The following SHC3 variants were observed in gnomAD, a reference collection of about 807,000 sequenced individuals.
SHC3 encodes SHC adaptor protein 3, also known as SHC-transforming protein 3.
In SHC3, 15 loss-of-function variants were observed where a neutral mutation model predicts 60.4. The ratio of observed to expected loss-of-function variants is 0.25; its 90% CI spans 0.17 to 0.38. The LOEUF is 0.38. SHC3 is among the 10% of genes least tolerant of loss of function. The probability of loss-of-function intolerance (pLI) is 1.00; values close to 1 mark genes in which losing one functional copy is unlikely to be tolerated. For missense variants in SHC3, 677 were observed against 786.1 expected (o/e 0.86, Z 1.66); for synonymous variants, 294 against 325.9 (o/e 0.90, Z 1.05).
chr9:89,035,856 T>TATATATATATATATATATA (rs1317555722), intron 11 of SHC3, among the ~76,000 whole-genome samples: 22 of 88,978 alleles, frequency 2.5e-4, no homozygotes, highest in Non-Finnish European at 2.4e-4. Context: ...TATAGATGTG[T>TATATATATATATATATATA]GTGTGTGTGT....
chr9:89,047,032 T>G (rs780507037), intron 7 of SHC3, 38 bp from the exon 8 acceptor site: 2 of 1,498,220 alleles, frequency 1.3e-6, no homozygotes, highest in African/African-American at 2.8e-5. Flanking sequence ...TAGCCAAAAG[T>G]TGAACTTGCA....
chr9:89,153,572 G>C (rs1174826738), intron 1 of SHC3, among the ~76,000 whole-genome samples: 1 of 152,226 alleles, frequency 6.6e-6, no homozygotes, highest in Non-Finnish European at 1.5e-5. Flanking sequence ...AAGCTGTAAA[G>C]CTGAGAACCC....
At chr9:89,106,409 G>A (rs764246890) in intron 2 of SHC3, among the ~76,000 whole-genome samples, 14 of 152,164 alleles carry the variant, frequency 9.2e-5, no homozygotes, top group Non-Finnish European at 1.9e-4. Context: ...TGAGCCACAT[G>A]GACAGTCCCG....
intron 1 of SHC3, among the ~76,000 whole-genome samples, chr9:89,155,164 C>G (rs980035674): frequency 4.5e-4 from 69 of 152,190 alleles, no homozygotes; most frequent in Non-Finnish European, 1.9e-4. Flanking sequence ...TGCCACCAGC[C>G]AGGTTCTCAG....
At chr9:89,087,581 C>T (rs775256775) in intron 2 of SHC3, among the ~76,000 whole-genome samples, 2 of 152,170 alleles carry the variant, frequency 1.3e-5, no homozygotes, top group African/African-American at 4.8e-5. Context: ...TTTGCTCATT[C>T]AAAAATTTCC....
chr9:89,150,389 T>C (rs1335745632), intron 1 of SHC3, among the ~76,000 whole-genome samples: 3 of 152,212 alleles, frequency 2.0e-5, no homozygotes, highest in African/African-American at 7.2e-5. Context: ...CAGTCCCTGG[T>C]AATCACTAAT....
At chr9:89,112,460 G>A in intron 2 of SHC3, 96 bp downstream of exon 2, 6 of 1,348,286 alleles carry the variant, frequency 4.5e-6, no homozygotes, top group Non-Finnish European at 6.3e-6. Flanking sequence ...ACCCTCCAAG[G>A]GCCGGTCTTT....
At chr9:89,035,256 A>G (rs777812663) in intron 11 of SHC3, among the ~76,000 whole-genome samples, 2 of 152,148 alleles carry the variant, frequency 1.3e-5, no homozygotes, top group African/African-American at 2.4e-5. Context: ...TGATCTCCCC[A>G]ACAAAAATGT....
chr9:89,046,833 A>G lies in SHC3; in HGVS notation c.1113+11T>C, dbSNP rs190034121. ...CCATTCCTTATATAAGAAAAAAACT[A>G]TAAGACTTACCTGGGCTGTGTCAGG... On this transcript the variant is annotated intron_variant, in intron 8 of 11. Transcript: ENST00000375835. The G allele has an allele frequency of 1.1e-4, 167 of 1,549,442 alleles. 1 individual carries two copies. The Admixed American group carries it at 2.1e-3, about 20-fold the overall frequency.
At chr9:89,062,051 C>G (rs1278200719) in intron 6 of SHC3, among the ~76,000 whole-genome samples, 1 of 152,152 alleles carries the variant, frequency 6.6e-6, no homozygotes, top group South Asian at 2.1e-4. Context: ...GATACTATTA[C>G]AATTATAAAG....
Position 89,084,530 on chromosome 9 carries a change from A to G in SHC3, c.546-6627T>C, listed in dbSNP as rs1178658814. Among the ~76,000 whole-genome samples, 3 of 152,240 alleles carry G rather than the reference A, an allele frequency of 2.0e-5. No homozygotes were observed. The East Asian group carries it at 5.8e-4, about 29-fold the overall frequency. On this transcript the variant is annotated intron_variant, in intron 2 of 11. Transcript: ENST00000375835. ...GAGGCTAATTTTCCTTTCATGGTTT[A>G]AGTAACTAATTAATAAAGTTCACTT...
Position 89,012,117 on chromosome 9 carries a change from C to G in SHC3, c.*1330G>C, listed in dbSNP as rs1363766489. The G allele has an allele frequency of 6.6e-6, 1 of 152,252 alleles. No homozygotes were observed. The highest frequency in any genetic ancestry group is 2.4e-5 in the African/African-American group (1 of 41,446). The allele number at this position is 152,252 out of a possible 1,614,324, so 9.4% of individuals were successfully genotyped here. On this transcript the variant is annotated 3_prime_UTR_variant, in exon 12 of 12. Transcript: ENST00000375835. ...GGGTCTCACCAGAACAAGAGCCACGCTGCCAGCAAGCAAATGGATCCATCT... is the reference window on the plus strand; with the variant it reads ...GGGTCTCACCAGAACAAGAGCCACGGTGCCAGCAAGCAAATGGATCCATCT...
chr9:89,099,732 C>A (rs114191645), intron 2 of SHC3, among the ~76,000 whole-genome samples: 245 of 152,260 alleles, frequency 1.6e-3, no homozygotes, highest in African/African-American at 5.4e-3. Context: ...ACTGTGAAGA[C>A]ACCGTGAATA....
At chr9:89,057,889 C>T (rs1007032879) in intron 6 of SHC3, among the ~76,000 whole-genome samples, 2 of 152,140 alleles carry the variant, frequency 1.3e-5, no homozygotes, top group African/African-American at 4.8e-5. Flanking sequence ...ATGAGATTAT[C>T]CTGGATTAGG....
At chr9:89,175,962 T>G (rs958560768) in intron 1 of SHC3, among the ~76,000 whole-genome samples, 1 of 152,216 alleles carries the variant, frequency 6.6e-6, no homozygotes, top group African/African-American at 2.4e-5. Context: ...GCACACACAC[T>G]TTAGCATCTG....
intron 1 of SHC3, among the ~76,000 whole-genome samples, chr9:89,171,026 G>A (rs997692310): frequency 2.6e-5 from 4 of 152,092 alleles, no homozygotes; most frequent in Admixed American, 6.6e-5. Context: ...TCCATCTTCC[G>A]GAGGGACAAT....
intron 2 of SHC3, among the ~76,000 whole-genome samples, chr9:89,087,404 T>A (rs1041808994): frequency 2.0e-5 from 3 of 152,026 alleles, no homozygotes; most frequent in African/African-American, 7.2e-5. Context: ...GAATCAGAAC[T>A]TTCCCCTCCC....
At chr9:89,170,350 A>G (rs528305033) in intron 1 of SHC3, among the ~76,000 whole-genome samples, 2 of 152,342 alleles carry the variant, frequency 1.3e-5, no homozygotes, top group East Asian at 1.9e-4. Flanking sequence ...TAATCCTAGA[A>G]AGATGCATAT....
intron 9 of SHC3, among the ~76,000 whole-genome samples, chr9:89,044,223 G>C (rs1824736494): frequency 6.6e-6 from 1 of 152,178 alleles, no homozygotes; most frequent in Non-Finnish European, 1.5e-5. Context: ...AATGTGTGTA[G>C]AACAAGGATA....
Sources: gnomAD v4.1 joint callset for allele counts (sites outside exome capture counted in the v4.1 genomes callset) on GRCh38, gnomAD v4.1.1 for gene constraint, MANE v1.5 for transcripts, NCBI Gene and HGNC (gene_info 2026-07-23, HGNC 2026-07-21) for gene names.